Variants in SHISA6 observed in about 807,000 individuals in gnomAD.
The protein encoded by SHISA6 is protein shisa-6.
SHISA6 carries 22 observed loss-of-function variants against 47.9 expected under a neutral mutation model. The observed-to-expected ratio is 0.46, with a 90% CI of 0.33 to 0.66. The LOEUF is 0.66. Among genes scored for constraint, SHISA6 ranks in the 30% least tolerant of loss-of-function variants. SHISA6 has a pLI of 0.02. For missense variants in SHISA6, 680 were observed against 764.6 expected, an observed-to-expected ratio of 0.89 and a Z score of 1.30; for synonymous variants, 388 against 337.8, an observed-to-expected ratio of 1.15 and a Z score of -1.63.
chr17:11,350,170 ATTTATTTATTTATTTTTTTT>A (rs1317235090), intron 2 of SHISA6, among the ~76,000 whole-genome samples: 1 of 105,412 alleles, frequency 9.5e-6, no homozygotes, highest in Non-Finnish European at 1.8e-5. Context: ...TTATTTATTT[ATTTATTTATTTATTTTTTTT>A]TTTTTTTGAG....
intron 3 of SHISA6, among the ~76,000 whole-genome samples, chr17:11,502,974 A>C (rs1183084398): frequency 2.0e-5 from 3 of 152,142 alleles, no homozygotes; most frequent in Non-Finnish European, 4.4e-5. Context: ...ACTGTGGGGT[A>C]GGGGTAGAAG....
chr17:11,417,054 G>T (rs908502371), intron 3 of SHISA6, among the ~76,000 whole-genome samples: 3 of 152,062 alleles, frequency 2.0e-5, no homozygotes, highest in African/African-American at 4.8e-5. Flanking sequence ...TATGAAATCT[G>T]CCATTTGAAA....
chr17:11,274,515 A>C (rs1272714160), intron 2 of SHISA6, among the ~76,000 whole-genome samples: 1 of 152,052 alleles, frequency 6.6e-6, no homozygotes, highest in South Asian at 2.1e-4. Context: ...AGGGATGTGG[A>C]GCGTGGAGCT....
rs188396495 is a variant in SHISA6 at position 11,250,146 on chromosome 17, A to G, written c.638+8086A>G. On this transcript the variant is annotated intron_variant, in intron 1 of 5. Transcript: ENST00000441885. ...AAAAGTGCACGTCCCATATTTCTGC[A>G]TGAGATAGTAGACAGTTAGCTTAAT... is the stretch of plus-strand genomic sequence containing the variant. Among the ~76,000 whole-genome samples the G allele has an allele frequency of 1.6e-4, 25 of 152,352 alleles. No individual in the cohort carries two copies. In the South Asian group the frequency reaches 3.7e-3, roughly 23 times the overall value.
rs181644024 is a variant in SHISA6 at position 11,403,495 on chromosome 17, G to A, written c.895+23986G>A. Among the ~76,000 whole-genome samples, 17 of 152,286 alleles carry A rather than the reference G, an allele frequency of 1.1e-4. No individual in the cohort carries two copies. In the East Asian group the frequency reaches 3.1e-3, roughly 28 times the overall value. On this transcript the variant is annotated intron_variant, in intron 3 of 5. Coordinates refer to ENST00000441885, the MANE Select transcript of SHISA6 (RefSeq NM_207386.4). Reference sequence around the variant, plus strand: ...GCTGGCCCCATTATTGATGAGATGGGTTCTTGGGAGGGAGGTCGAAGACTT... The same window carrying A: ...GCTGGCCCCATTATTGATGAGATGGATTCTTGGGAGGGAGGTCGAAGACTT...
intron 3 of SHISA6, among the ~76,000 whole-genome samples, chr17:11,461,332 G>A (rs1915683442): frequency 6.7e-6 from 1 of 149,042 alleles, no homozygotes; most frequent in Admixed American, 6.8e-5. Context: ...GGGAGGCGAA[G>A]CTTGCAGTGA....
At chr17:11,487,660 T>G (rs1442833696) in intron 3 of SHISA6, among the ~76,000 whole-genome samples, 1 of 152,220 alleles carries the variant, frequency 6.6e-6, no homozygotes, top group African/African-American at 2.4e-5. Flanking sequence ...CCCTGACTCT[T>G]TAGAAGACTG....
intron 3 of SHISA6, among the ~76,000 whole-genome samples, chr17:11,468,852 T>C (rs981847736): frequency 2.0e-5 from 3 of 151,374 alleles, no homozygotes; most frequent in African/African-American, 7.3e-5. Flanking sequence ...GTAACCCCAT[T>C]TCTACTAAAA....
rs11436926 is a variant in SHISA6, at chr17:11,257,660, C to CAA, written c.639-5695_639-5694dup. 7.7e-3 allele frequency among the ~76,000 whole-genome samples: 1,055 copies of CAA among 136,440 alleles called. 12 individuals carry two copies. Among genetic ancestry groups the CAA allele is most frequent in the East Asian group, 0.013 (59 of 4,698 alleles). 89.5% of individuals were successfully genotyped at this position (136,440 alleles called of 152,430 possible). ...TGGGCGACCGTGTGAGATCCTGTCT[C>CAA]AAAAAAAAAAAAGAAAAAAAGAAAA... is the stretch of plus-strand genomic sequence containing the variant. On this transcript the variant is annotated intron_variant, in intron 1 of 5. Coordinates refer to ENST00000441885, the MANE Select transcript of SHISA6 (RefSeq NM_207386.4).
chr17:11,434,468 C>T (rs546036927), intron 3 of SHISA6, among the ~76,000 whole-genome samples: 24 of 152,190 alleles, frequency 1.6e-4, no homozygotes, highest in Admixed American at 3.3e-4. Context: ...CCAGTGCACG[C>T]TGTCCTTGGC....
chr17:11,264,466 A>G (rs908614202), intron 2 of SHISA6, among the ~76,000 whole-genome samples: 1 of 152,246 alleles, frequency 6.6e-6, no homozygotes, highest in Non-Finnish European at 1.5e-5. Flanking sequence ...AGTTAAGGGT[A>G]TGAATCCAAA....
At chr17:11,449,923 C>T (rs564355895) in intron 3 of SHISA6, among the ~76,000 whole-genome samples, 3 of 152,218 alleles carry the variant, frequency 2.0e-5, no homozygotes, top group Admixed American at 1.3e-4. Flanking sequence ...CTCGCTCTGT[C>T]GCCCAGGCTG....
chr17:11,522,476 G>A (rs1200547768), intron 3 of SHISA6, among the ~76,000 whole-genome samples: 1 of 152,106 alleles, frequency 6.6e-6, no homozygotes, highest in African/African-American at 2.4e-5. Context: ...TGGGATATCA[G>A]GGGGATTTGG....
At chr17:11,407,281 C>G (rs1228037840) in intron 3 of SHISA6, among the ~76,000 whole-genome samples, 1 of 151,858 alleles carries the variant, frequency 6.6e-6, no homozygotes, top group East Asian at 1.9e-4. Flanking sequence ...AGTGGTGGAG[C>G]CTCTTTTGGG....
At chr17:11,271,143 G>A in intron 2 of SHISA6, among the ~76,000 whole-genome samples, 1 of 152,062 alleles carries the variant, frequency 6.6e-6, no homozygotes, top group East Asian at 1.9e-4. Flanking sequence ...TATGTGAGGG[G>A]TGAAGGGTGG....
intron 2 of SHISA6, among the ~76,000 whole-genome samples, chr17:11,269,348 C>A (rs1908554683): frequency 6.6e-6 from 1 of 152,080 alleles, no homozygotes; most frequent in Non-Finnish European, 1.5e-5. Context: ...CCTGCCCAGG[C>A]TTCTTACTGA....
intron 3 of SHISA6, among the ~76,000 whole-genome samples, chr17:11,475,772 G>T (rs2142325704): frequency 6.6e-6 from 1 of 152,036 alleles, no homozygotes; most frequent in Non-Finnish European, 1.5e-5. Context: ...TGGTTTATGT[G>T]TTTTAGGGTA....
intron 3 of SHISA6, among the ~76,000 whole-genome samples, chr17:11,494,392 T>A (rs1033228457): frequency 6.6e-6 from 1 of 152,178 alleles, no homozygotes; most frequent in Non-Finnish European, 1.5e-5. Flanking sequence ...AATTGTTTGT[T>A]ACTTATCACC....
chr17:11,268,359 G>C (rs1022513670), intron 2 of SHISA6, among the ~76,000 whole-genome samples: 1 of 152,134 alleles, frequency 6.6e-6, no homozygotes, highest in African/African-American at 2.4e-5. Flanking sequence ...AGTCCTGCAT[G>C]CCCTGGTTCC....
Sources: allele counts gnomAD v4.1 joint callset (sites outside exome capture counted in the v4.1 genomes callset), GRCh38; gene constraint gnomAD v4.1.1; transcripts MANE v1.5; gene names NCBI Gene and HGNC (gene_info 2026-07-23, HGNC 2026-07-21).